Variants in LRRC37A2 observed in about 807,000 individuals in gnomAD.
LRRC37A2 encodes the protein leucine-rich repeat-containing protein 37A2.
Under a neutral mutation model 68.8 loss-of-function variants are expected in LRRC37A2, and 9 were observed. The observed-to-expected ratio is 0.13, with a 90% confidence interval of 0.08 to 0.23. The LOEUF is 0.23. Ranked by LOEUF, LRRC37A2 falls within the 10% of genes least tolerant of loss-of-function variation. The pLI is 1.00. For missense variants in LRRC37A2, 168 were observed against 950.4 expected, an observed-to-expected ratio of 0.18 and a Z score of 10.82; for synonymous variants, 63 against 367.6, an observed-to-expected ratio of 0.17 and a Z score of 9.48.
At chr17:46,668,860 ATGTT>A in the LRRC37A2 span, among the ~76,000 whole-genome samples, 1 of 131,878 alleles carries the variant, frequency 7.6e-6, no homozygotes, top group Non-Finnish European at 1.5e-5. Context: ...CTTTGGAACT[ATGTT>A]TGATTATACC....
the LRRC37A2 span, among the ~76,000 whole-genome samples, chr17:46,971,061 TA>T: frequency 6.6e-6 from 1 of 152,176 alleles, no homozygotes; most frequent in African/African-American, 2.4e-5. Flanking sequence ...ATCATCGCTT[TA>T]AAACATAGGC....
the LRRC37A2 span, chr17:46,979,187 C>A: frequency 3.7e-6 from 2 of 536,560 alleles, no homozygotes; most frequent in African/African-American, 2.0e-5. Context: ...GGGCACCGGG[C>A]GGGAAGCGAC....
At chr17:46,568,772 G>C in the LRRC37A2 span, among the ~76,000 whole-genome samples, 1 of 89,518 alleles carries the variant, frequency 1.1e-5, no homozygotes, top group Non-Finnish European at 2.1e-5. Flanking sequence ...GCCACTGCAC[G>C]AGACCCTGTC....
the LRRC37A2 span, among the ~76,000 whole-genome samples, chr17:46,586,387 C>CAG: frequency 5.1e-5 from 1 of 19,766 alleles, no homozygotes; most frequent in South Asian, 0.014. Context: ...CTGTCACACA[C>CAG]ACACACACAC....
At chr17:46,737,952 A>ATTATTATTATTATTG in the LRRC37A2 span, among the ~76,000 whole-genome samples, 1 of 139,908 alleles carries the variant, frequency 7.1e-6, no homozygotes, top group Admixed American at 7.2e-5. Context: ...TATTATTATT[A>ATTATTATTATTATTG]GAGATAGGAT....
At chr17:46,965,070 A>T in the LRRC37A2 span, 2 of 152,208 alleles carry the variant, frequency 1.3e-5, no homozygotes, top group African/African-American at 4.8e-5. Context: ...CCAGACATGT[A>T]TCCCAGAAAC....
chr17:46,821,742 G>A, the LRRC37A2 span, among the ~76,000 whole-genome samples: 20 of 152,324 alleles, frequency 1.3e-4, no homozygotes, highest in Middle Eastern at 3.4e-3. Flanking sequence ...GACCTGGGAA[G>A]GGGACCCCAG....
chr17:46,953,882 GGTT>G, the LRRC37A2 span, among the ~76,000 whole-genome samples: 4 of 152,074 alleles, frequency 2.6e-5, no homozygotes, highest in African/African-American at 9.7e-5. Flanking sequence ...TTGTTGATGG[GGTT>G]GTTTTTTTCT....
chr17:46,907,892 A>G, the LRRC37A2 span, among the ~76,000 whole-genome samples: 1 of 151,944 alleles, frequency 6.6e-6, no homozygotes. Context: ...TCTGAAAAAC[A>G]GGAGCAGACA....
the LRRC37A2 span, chr17:47,021,570 T>C: frequency 2.0e-6 from 1 of 491,226 alleles, no homozygotes; most frequent in Non-Finnish European, 3.5e-6. Context: ...TGCTTTTAGA[T>C]AAAATACTTA....
the LRRC37A2 span, chr17:46,935,391 C>A: frequency 2.1e-6 from 3 of 1,438,668 alleles, no homozygotes; most frequent in South Asian, 4.6e-5. Context: ...ATGAAGTGGC[C>A]TCTCTTAGGA....
chr17:46,859,787 T>C, the LRRC37A2 span, among the ~76,000 whole-genome samples: 52 of 152,340 alleles, frequency 3.4e-4, no homozygotes, highest in African/African-American at 8.2e-4. Flanking sequence ...TCATGGAAGA[T>C]TGACGTTCTA....
the LRRC37A2 span, among the ~76,000 whole-genome samples, chr17:46,878,464 C>T: frequency 2.6e-5 from 4 of 152,296 alleles, no homozygotes; most frequent in South Asian, 2.1e-4. Flanking sequence ...TGCAGAGGCC[C>T]GGCTGAGAAG....
the LRRC37A2 span, among the ~76,000 whole-genome samples, chr17:46,661,378 T>TTTATTA: frequency 0.071 from 7,521 of 106,432 alleles, 5 homozygotes; most frequent in Non-Finnish European, 0.096. Flanking sequence ...TACATTTCTT[T>TTTATTA]TTATTATTAT....
the LRRC37A2 span, among the ~76,000 whole-genome samples, chr17:46,715,086 G>A: frequency 6.6e-6 from 1 of 152,200 alleles, no homozygotes; most frequent in Admixed American, 6.5e-5. Context: ...AATTGCACAG[G>A]GTACTTCAGA....
chr17:46,900,188 TATATATATATATATAC>T, the LRRC37A2 span, among the ~76,000 whole-genome samples: 1 of 115,558 alleles, frequency 8.7e-6, no homozygotes. Flanking sequence ...TATATATATA[TATATATATATATATAC>T]ACACACACAC....
the LRRC37A2 span, among the ~76,000 whole-genome samples, chr17:46,917,644 G>A: frequency 2.6e-5 from 4 of 152,266 alleles, no homozygotes; most frequent in Admixed American, 6.5e-5. Context: ...CTCCATTCCC[G>A]CTGCTTCACT....
At chr17:46,497,376 TTTC>T in the LRRC37A2 span, among the ~76,000 whole-genome samples, 30 of 149,320 alleles carry the variant, frequency 2.0e-4, no homozygotes, top group African/African-American at 7.6e-4. Flanking sequence ...GTTTCTTCTG[TTTC>T]TTTTTTCTGC....
At chr17:46,939,048 G>A in the LRRC37A2 span, 1 of 1,267,740 alleles carries the variant, frequency 7.9e-7, no homozygotes, top group Non-Finnish European at 1.0e-6. Context: ...TGGCTTTGGT[G>A]GCTTTGTTCA....
Sources: gnomAD v4.1 joint callset for allele counts (sites outside exome capture counted in the v4.1 genomes callset) on GRCh38, gnomAD v4.1.1 for gene constraint, MANE v1.5 for transcripts, NCBI Gene and HGNC (gene_info 2026-07-23, HGNC 2026-07-21) for gene names.